Variants in DPP10 observed in about 807,000 individuals in gnomAD.
DPP10 encodes dipeptidyl peptidase like 10.
DPP10 carries 33 observed loss-of-function variants against 120.9 expected under a neutral mutation model. The observed-to-expected ratio is 0.27, with a 90% CI of 0.21 to 0.37. The LOEUF (loss-of-function observed/expected upper bound fraction) is 0.37. Among genes scored for constraint, DPP10 ranks in the 10% least tolerant of loss-of-function variants. The pLI is 1.00. For synonymous variants in DPP10, 337 were observed against 326.1 expected (o/e 1.03, Z -0.36); for missense variants, 816 against 942.8 (o/e 0.87, Z 1.76).
intron 1 of DPP10, among the ~76,000 whole-genome samples, chr2:114,857,088 C>T (rs945961939): frequency 5.5e-4 from 83 of 152,252 alleles, no homozygotes; most frequent in Non-Finnish European, 1.5e-4. Flanking sequence ...TGAAAATTGG[C>T]AGGACCAGAA....
chr2:115,756,297 A>G (rs1679399962), intron 11 of DPP10, among the ~76,000 whole-genome samples: 1 of 152,132 alleles, frequency 6.6e-6, no homozygotes, highest in African/African-American at 2.4e-5. Context: ...ATAATGATTT[A>G]GTGTTTATTT....
At chr2:114,657,430 AG>A (rs1204049746) in intron 1 of DPP10, among the ~76,000 whole-genome samples, 1 of 152,174 alleles carries the variant, frequency 6.6e-6, no homozygotes, top group Admixed American at 6.5e-5. Context: ...ATTAGTCATT[AG>A]TTGGTATTAT....
At chr2:114,842,469 C>G (rs529050358) in intron 1 of DPP10, among the ~76,000 whole-genome samples, 2 of 151,974 alleles carry the variant, frequency 1.3e-5, no homozygotes, top group South Asian at 4.2e-4. Flanking sequence ...AGAAAGAGAC[C>G]CATCAAGATG....
intron 1 of DPP10, among the ~76,000 whole-genome samples, chr2:114,559,276 A>C (rs906288444): frequency 1.3e-5 from 2 of 152,186 alleles, no homozygotes. Context: ...GAGTCCCCGC[A>C]TGAGGGAAGC....
At chr2:114,678,198 C>T (rs1698793393) in intron 1 of DPP10, among the ~76,000 whole-genome samples, 1 of 152,046 alleles carries the variant, frequency 6.6e-6, no homozygotes, top group Non-Finnish European at 1.5e-5. Flanking sequence ...ACATATTTCA[C>T]TGATGTCTAA....
intron 3 of DPP10, among the ~76,000 whole-genome samples, chr2:115,377,179 G>C (rs1220476485): frequency 6.6e-6 from 1 of 152,052 alleles, no homozygotes; most frequent in Non-Finnish European, 1.5e-5. Context: ...CAGTGTAAAA[G>C]TGTTCGTATT....
intron 1 of DPP10, among the ~76,000 whole-genome samples, chr2:115,244,438 A>G (rs1290625622): frequency 6.6e-6 from 1 of 151,930 alleles, no homozygotes; most frequent in Non-Finnish European, 1.5e-5. Context: ...TGCAGTGAAG[A>G]AATTGGAACT....
intron 4 of DPP10, among the ~76,000 whole-genome samples, chr2:115,510,115 A>G (rs1218594709): frequency 1.3e-5 from 2 of 152,288 alleles, no homozygotes; most frequent in East Asian, 3.9e-4. Flanking sequence ...TGTCAGATAC[A>G]TAAGTTTCAA....
intron 1 of DPP10, among the ~76,000 whole-genome samples, chr2:115,141,901 G>C (rs1201680873): frequency 6.6e-6 from 1 of 152,160 alleles, no homozygotes; most frequent in Non-Finnish European, 1.5e-5. Flanking sequence ...AGCCTCCCGT[G>C]TAGGGGGGAC....
chr2:114,797,765 C>T (rs976815415), intron 1 of DPP10, among the ~76,000 whole-genome samples: 1 of 152,180 alleles, frequency 6.6e-6, no homozygotes, highest in African/African-American at 2.4e-5. Context: ...TAGATTCTGT[C>T]CCCTCCAGTA....
intron 1 of DPP10, among the ~76,000 whole-genome samples, chr2:114,607,290 G>T (rs1034309956): frequency 1.3e-5 from 2 of 152,174 alleles, no homozygotes; most frequent in Admixed American, 6.6e-5. Context: ...AGGACACACT[G>T]CTCCTGTTTG....
At chr2:115,789,109 C>T (rs1037651639) in intron 17 of DPP10, among the ~76,000 whole-genome samples, 1 of 151,670 alleles carries the variant, frequency 6.6e-6, no homozygotes, top group African/African-American at 2.4e-5. Flanking sequence ...AAGAATGAGA[C>T]TCCGTCTCAA....
At chr2:114,682,541 G>C (rs1699092701) in intron 1 of DPP10, among the ~76,000 whole-genome samples, 1 of 151,310 alleles carries the variant, frequency 6.6e-6, no homozygotes, top group Non-Finnish European at 1.5e-5. Context: ...TTGACCCAGT[G>C]ATTAATTCTA....
intron 1 of DPP10, among the ~76,000 whole-genome samples, chr2:114,486,931 T>A (rs7590103): frequency 0.13 from 19,206 of 152,198 alleles, 2,900 homozygotes; most frequent in African/African-American, 0.36. Context: ...AATCCATAAA[T>A]TTGGTCATTA....
intron 5 of DPP10, among the ~76,000 whole-genome samples, chr2:115,578,633 G>A (rs968227862): frequency 6.6e-6 from 1 of 152,104 alleles, no homozygotes; most frequent in Admixed American, 6.5e-5. Context: ...AACAAGTCAA[G>A]GAAATTTGCA....
At chr2:115,109,331 ATCGAGACCATCCTGGCCAACATGG>A (rs1418152474) in intron 1 of DPP10, among the ~76,000 whole-genome samples, 2 of 152,068 alleles carry the variant, frequency 1.3e-5, no homozygotes, top group Non-Finnish European at 2.9e-5. Flanking sequence ...ACGTCAGGAG[ATCGAGACCATCCTGGCCAACATGG>A]TGAAACCCCA....
intron 1 of DPP10, among the ~76,000 whole-genome samples, chr2:114,842,549 G>A (rs1688243075): frequency 1.3e-5 from 2 of 152,036 alleles, no homozygotes; most frequent in South Asian, 4.2e-4. Context: ...AAGATAAGAT[G>A]ACTTCTCTTC....
chr2:114,857,930 G>T (rs114642581), intron 1 of DPP10, among the ~76,000 whole-genome samples: 3,227 of 152,166 alleles, frequency 0.021, 123 homozygotes, highest in African/African-American at 0.074. Flanking sequence ...AAAAAATTCT[G>T]CCCACTTATT....
At chr2:115,328,772 A>G (rs958744801) in intron 2 of DPP10, among the ~76,000 whole-genome samples, 24 of 152,094 alleles carry the variant, frequency 1.6e-4, no homozygotes. Context: ...AGAGTTCACT[A>G]GAGTCCTTAG....
Sources: allele counts gnomAD v4.1 joint callset (sites outside exome capture counted in the v4.1 genomes callset), GRCh38; gene constraint gnomAD v4.1.1; transcripts MANE v1.5; gene names NCBI Gene and HGNC (gene_info 2026-07-23, HGNC 2026-07-21).